Variants in PCDHA10 observed in about 807,000 individuals in gnomAD.
The protein encoded by PCDHA10 is protocadherin alpha 10, also known as protocadherin alpha-10.
PCDHA10 carries 45 observed loss-of-function variants against 61.2 expected under a neutral mutation model. The observed-to-expected ratio is 0.74, with a 90% CI of 0.58 to 0.94. The LOEUF (loss-of-function observed/expected upper bound fraction) is 0.94, where lower values mean the gene tolerates loss of function less well. PCDHA10 is among the 40% of genes least tolerant of loss of function. The pLI, the probability that PCDHA10 is intolerant of heterozygous loss-of-function variation, is 0.00. For missense variants in PCDHA10, 1,278 were observed against 1,236.2 expected, an observed-to-expected ratio of 1.03 and a Z score of -0.51; for synonymous variants, 602 against 548.8, an observed-to-expected ratio of 1.10 and a Z score of -1.35.
intron 1 of PCDHA10, among the ~76,000 whole-genome samples, chr5:140,895,039 C>T (rs1274502441): frequency 6.6e-6 from 1 of 152,060 alleles, no homozygotes. Context: ...GTCCCCCACC[C>T]ACACCATTCT....
chr5:140,868,581 A>G (rs1554162109), intron 1 of PCDHA10: 1 of 152,846 alleles, frequency 6.5e-6, no homozygotes, highest in African/African-American at 2.4e-5. Flanking sequence ...ACTTTCAGGA[A>G]ATGTTTAACC....
rs550922282 is a variant in PCDHA10, at chr5:140,927,864, T to C, written c.2389-51085T>C. On this transcript the variant is annotated intron_variant, in intron 1 of 3. Transcript: ENST00000307360. The stretch of plus-strand genomic sequence containing the variant: ...GTGTCTTTGGTTTAGCTAGCACCGC[T>C]AAACTGCTGGTGGAGGTGACTGACG... The C allele has an allele frequency of 6.8e-6, 11 of 1,614,200 alleles. No homozygotes were observed. In the South Asian group the frequency reaches 1.2e-4, roughly 18 times the overall value.
rs782457236 is a variant in PCDHA10 at position 140,883,560 on chromosome 5, G to A, written c.2388+25124G>A. 2 of 1,614,184 alleles carry A rather than the reference G, an allele frequency of 1.2e-6. No homozygotes were observed. Among genetic ancestry groups the A allele is most frequent in the Admixed American group, 1.7e-5 (1 of 60,028 alleles). ...CTGGTGGTGACCGCGCGGGACGGGGGCTCGCCTTCGCTGTGGGCCACGGCC... is the reference window on the plus strand; with the variant it reads ...CTGGTGGTGACCGCGCGGGACGGGGACTCGCCTTCGCTGTGGGCCACGGCC... On this transcript the variant is annotated intron_variant, in intron 1 of 3. Coordinates refer to ENST00000307360, the MANE Select transcript of PCDHA10 (RefSeq NM_018901.4).
chr5:140,973,755 G>A (rs1442337323), intron 1 of PCDHA10, among the ~76,000 whole-genome samples: 1 of 152,234 alleles, frequency 6.6e-6, no homozygotes, highest in Admixed American at 6.5e-5. Flanking sequence ...ACTCTGCAGG[G>A]ACACAGCCTG....
In PCDHA10 at chr5:140,920,855, A is replaced by C. The variant is rs537725798; in HGVS notation, c.2389-58094A>C. Among the ~76,000 whole-genome samples, 935 of 152,094 alleles carry C rather than the reference A, an allele frequency of 6.1e-3. 10 individuals are homozygous for C. Among genetic ancestry groups the C allele is most frequent in the Admixed American group, 0.012 (185 of 15,278 alleles). On this transcript the variant is annotated intron_variant, in intron 1 of 3. Coordinates refer to ENST00000307360, the MANE Select transcript of PCDHA10 (RefSeq NM_018901.4). ...AAGACCAAATCTAAAAAAAAAAAAAAAAACAAACAAACTGTGGCCCTTAGA... is the reference window on the plus strand; with the variant it reads ...AAGACCAAATCTAAAAAAAAAAAAACAAACAAACAAACTGTGGCCCTTAGA...
chr5:140,944,463 A>C (rs2093660880), intron 1 of PCDHA10, among the ~76,000 whole-genome samples: 1 of 152,198 alleles, frequency 6.6e-6, no homozygotes, highest in Admixed American at 6.5e-5. Flanking sequence ...CTGGGATTAC[A>C]GGTATGAGGC....
At position 140,858,271 on chromosome 5, in the gene PCDHA10, C is replaced by G. The variant is rs782492418; in HGVS notation, c.2223C>G (p.Ser741Arg). 6.3e-7 allele frequency: 1 copy of G among 1,597,010 alleles called. No homozygotes were observed. The highest frequency in any genetic ancestry group is 1.7e-5 in the Admixed American group (1 of 59,172). ...TGAAGCCCACGCTGGTGTGCTCTAG[C>G]GCGGTGGGGAGCTGGTCTTACTCGC... is the stretch of plus-strand genomic sequence containing the variant. ...GPVKPTLVCSSAVGSWSYSQQ... is the reference protein window; with the variant it reads ...GPVKPTLVCSRAVGSWSYSQQ... Residue 741 changes from serine (S) to arginine (R), a missense_variant, in exon 1 of 4, where the codon AGC (serine) becomes AGG (arginine). By Grantham distance (110) the Ser-to-Arg change is moderately radical (BLOSUM62 -1). Transcript: ENST00000307360.
At chr5:141,000,417 A>ATTTTT (rs1563652061) in intron 3 of PCDHA10, among the ~76,000 whole-genome samples, 3 of 77,750 alleles carry the variant, frequency 3.9e-5, no homozygotes, top group Non-Finnish European at 7.0e-5. Flanking sequence ...ATATATATAT[A>ATTTTT]TATATTTTTT....
intron 3 of PCDHA10, among the ~76,000 whole-genome samples, chr5:141,005,617 G>C (rs1419951778): frequency 6.7e-6 from 1 of 149,280 alleles, no homozygotes; most frequent in Non-Finnish European, 1.5e-5. Context: ...CAGGAGAATG[G>C]CGTGAACCCG....
At chr5:140,951,948 A>G (rs2153694438) in intron 1 of PCDHA10, among the ~76,000 whole-genome samples, 1 of 152,322 alleles carries the variant, frequency 6.6e-6, no homozygotes, top group South Asian at 2.1e-4. Context: ...GTGCGGGTAC[A>G]GGCATTGGGT....
intron 1 of PCDHA10, chr5:140,862,894 T>A (rs251369): frequency 0.66 from 367,469 of 559,470 alleles, 121,120 homozygotes; most frequent in Middle Eastern, 0.71. Flanking sequence ...AACGACAACT[T>A]TGTCTGCGCT....
At chr5:140,993,460 T>TCCCACA (rs1554253699) in intron 3 of PCDHA10, among the ~76,000 whole-genome samples, 8 of 104,506 alleles carry the variant, frequency 7.7e-5, no homozygotes, top group African/African-American at 3.1e-4. Context: ...CTTCTTTCTT[T>TCCCACA]CTCACACACA....
chr5:140,969,023 C>T lies in PCDHA10; in HGVS notation c.2389-9926C>T. ...CTTCTGTGGAGTAAGGGAAAGGTCC[C>T]CTGCAGAACTGTACAAACAAGCCAA... is the stretch of plus-strand genomic sequence containing the variant. On this transcript the variant is annotated intron_variant, in intron 1 of 3. Coordinates refer to ENST00000307360, the MANE Select transcript of PCDHA10 (RefSeq NM_018901.4). The T allele has an allele frequency of 3.1e-6, 5 of 1,614,124 alleles. No homozygotes were observed. In the Admixed American group the frequency reaches 5.0e-5, roughly 16 times the overall value.
intron 1 of PCDHA10, among the ~76,000 whole-genome samples, chr5:140,881,006 G>A (rs2058554707): frequency 6.6e-6 from 1 of 152,172 alleles, no homozygotes; most frequent in South Asian, 2.1e-4. Flanking sequence ...GGAGAGCAGA[G>A]CTATGGAAAT....
intron 1 of PCDHA10, among the ~76,000 whole-genome samples, chr5:140,914,158 C>T (rs1041086072): frequency 1.2e-4 from 18 of 152,276 alleles, no homozygotes; most frequent in East Asian, 9.6e-4. Flanking sequence ...CTGTCCAATA[C>T]GGAAAGTGGG....
At chr5:140,951,672 T>C (rs1242247980) in intron 1 of PCDHA10, among the ~76,000 whole-genome samples, 1 of 152,114 alleles carries the variant, frequency 6.6e-6, no homozygotes, top group Non-Finnish European at 1.5e-5. Flanking sequence ...GCCTACAAAA[T>C]TGGGGATTAC....
chr5:141,009,595 C>G (rs781807814), intron 3 of PCDHA10, 32 bp from the exon 4 acceptor site: 1 of 1,604,124 alleles, frequency 6.2e-7, no homozygotes, highest in Non-Finnish European at 8.5e-7. Flanking sequence ...TGTGTTGACC[C>G]TGTTAATGAT....
chr5:140,864,096 T>A (rs1459291547), intron 1 of PCDHA10: 1 of 152,388 alleles, frequency 6.6e-6, no homozygotes, highest in South Asian at 2.1e-4. Context: ...TTGATAAGTA[T>A]AATGATAATA....
chr5:140,995,353 G>A lies in PCDHA10; in HGVS notation c.2536+12790G>A, dbSNP rs922727759. 8.5e-5 allele frequency among the ~76,000 whole-genome samples: 13 copies of A among 152,138 alleles called. 1 individual carries two copies. The highest frequency in any genetic ancestry group is 4.2e-4 in the South Asian group (2 of 4,804). ...GTAGTGTAGACGGCATGGATAGGTC[G>A]GACAGAGGGATGATTCACGTACTGG... On this transcript the variant is annotated intron_variant, in intron 3 of 3. Transcript: ENST00000307360.
Sources: gnomAD v4.1 joint callset for allele counts (sites outside exome capture counted in the v4.1 genomes callset) on GRCh38, gnomAD v4.1.1 for gene constraint, MANE v1.5 for transcripts, NCBI Gene and HGNC (gene_info 2026-07-23, HGNC 2026-07-21) for gene names.